The following GRM7 variants were observed in gnomAD, a reference collection of about 807,000 sequenced individuals.
GRM7 encodes the protein metabotropic glutamate receptor 7.
In GRM7, 35 loss-of-function variants were observed where a neutral mutation model predicts 84.5. The observed-to-expected ratio is 0.41, with a 90% CI of 0.32 to 0.55. The LOEUF is 0.55. GRM7 is among the 20% of genes least tolerant of loss of function. The pLI, the probability that GRM7 is intolerant of heterozygous loss-of-function variation, is 0.19. For missense variants in GRM7, 1,003 were observed against 1,194.6 expected, an observed-to-expected ratio of 0.84 and a Z score of 2.36; for synonymous variants, 487 against 455.1, an observed-to-expected ratio of 1.07 and a Z score of -0.89.
chr3:7,623,781 C>A (rs978581053), intron 8 of GRM7, among the ~76,000 whole-genome samples: 3 of 152,120 alleles, frequency 2.0e-5, no homozygotes, highest in African/African-American at 4.8e-5. Flanking sequence ...AGTACAGTAT[C>A]TATGATAAAA....
chr3:7,083,896 C>G (rs531355830), intron 1 of GRM7, among the ~76,000 whole-genome samples: 1 of 152,080 alleles, frequency 6.6e-6, no homozygotes, highest in Non-Finnish European at 1.5e-5. Flanking sequence ...GGTAGAAACA[C>G]CAGCAACCTG....
chr3:6,981,357 G>C (rs1694193595), intron 1 of GRM7, among the ~76,000 whole-genome samples: 2 of 152,120 alleles, frequency 1.3e-5, no homozygotes, highest in Admixed American at 6.5e-5. Flanking sequence ...TTTTTTGCCA[G>C]CAGTTGAAGG....
At chr3:7,085,034 G>A (rs1204458375) in intron 1 of GRM7, among the ~76,000 whole-genome samples, 1 of 152,112 alleles carries the variant, frequency 6.6e-6, no homozygotes, top group Non-Finnish European at 1.5e-5. Context: ...CATATCCTCA[G>A]GTAGTATTCC....
chr3:7,388,275 C>T (rs967806388), intron 4 of GRM7, among the ~76,000 whole-genome samples: 1 of 152,048 alleles, frequency 6.6e-6, no homozygotes, highest in African/African-American at 2.4e-5. Context: ...ACTTGGATGC[C>T]TTTTGTTTCT....
intron 3 of GRM7, among the ~76,000 whole-genome samples, chr3:7,306,013 C>T (rs1700182897): frequency 6.6e-6 from 1 of 152,154 alleles, no homozygotes; most frequent in African/African-American, 2.4e-5. Context: ...TCATGTTTCA[C>T]ATGGAGTTCT....
chr3:7,311,078 A>G (rs1228389046), intron 4 of GRM7, among the ~76,000 whole-genome samples: 2 of 152,224 alleles, frequency 1.3e-5, no homozygotes, highest in African/African-American at 4.8e-5. Context: ...AAGTAGGATC[A>G]AAATGATACA....
chr3:7,615,569 TG>T (rs374126626), intron 8 of GRM7, among the ~76,000 whole-genome samples: 91 of 152,304 alleles, frequency 6.0e-4, no homozygotes, highest in African/African-American at 2.2e-3. Flanking sequence ...ATTTTTCCTA[TG>T]GAAAACTGAC....
chr3:7,411,992 A>C, intron 4 of GRM7, among the ~76,000 whole-genome samples: 6 of 140,060 alleles, frequency 4.3e-5, no homozygotes, highest in South Asian at 4.7e-4. Context: ...CCTTCCCAAC[A>C]TCACCTCTTT....
chr3:7,625,698 GA>G (rs1697576161), intron 8 of GRM7, among the ~76,000 whole-genome samples: 1 of 152,110 alleles, frequency 6.6e-6, no homozygotes, highest in African/African-American at 2.4e-5. Flanking sequence ...AAGAATCAGG[GA>G]CAGAAGAATA....
intron 2 of GRM7, among the ~76,000 whole-genome samples, chr3:7,191,689 C>T (rs770872237): frequency 1.3e-4 from 20 of 150,064 alleles, no homozygotes; most frequent in African/African-American, 3.4e-4. Flanking sequence ...ATTCTTGAAA[C>T]GACAAGGCAT....
intron 8 of GRM7, among the ~76,000 whole-genome samples, chr3:7,643,064 C>CA (rs1388270385): frequency 6.6e-6 from 1 of 152,080 alleles, no homozygotes; most frequent in Non-Finnish European, 1.5e-5. Context: ...TCACAGACTG[C>CA]AAGGATTTTA....
intron 2 of GRM7, among the ~76,000 whole-genome samples, chr3:7,150,015 G>A (rs568000507): frequency 6.6e-6 from 1 of 152,048 alleles, no homozygotes; most frequent in African/African-American, 2.4e-5. Flanking sequence ...AGAAAAGGAA[G>A]TGAGCTATTT....
intron 1 of GRM7, among the ~76,000 whole-genome samples, chr3:6,873,566 A>C (rs1430297085): frequency 6.6e-6 from 1 of 152,180 alleles, no homozygotes; most frequent in Non-Finnish European, 1.5e-5. Context: ...GCCTGTTTTC[A>C]GTGTTAAATG....
chr3:6,918,929 A>C (rs906092363), intron 1 of GRM7, among the ~76,000 whole-genome samples: 7 of 152,216 alleles, frequency 4.6e-5, no homozygotes, highest in African/African-American at 1.7e-4. Flanking sequence ...AAATGAGGGA[A>C]CATATGGGAT....
At chr3:7,215,470 CT>C in intron 2 of GRM7, among the ~76,000 whole-genome samples, 1 of 152,076 alleles carries the variant, frequency 6.6e-6, no homozygotes, top group African/African-American at 2.4e-5. Context: ...CTAGACCACC[CT>C]GGCTAACACA....
At chr3:7,068,373 CTG>C (rs1356865848) in intron 1 of GRM7, among the ~76,000 whole-genome samples, 1 of 151,980 alleles carries the variant, frequency 6.6e-6, no homozygotes, top group East Asian at 2.0e-4. Flanking sequence ...GATTTAAACA[CTG>C]TTTTGCTCAG....
intron 2 of GRM7, among the ~76,000 whole-genome samples, chr3:7,274,937 C>A (rs1300212050): frequency 6.6e-6 from 1 of 152,010 alleles, no homozygotes; most frequent in Non-Finnish European, 1.5e-5. Flanking sequence ...TATATCATAT[C>A]TACTGTAGTT....
chr3:7,555,169 C>T (rs1371431252), intron 7 of GRM7, among the ~76,000 whole-genome samples: 1 of 152,146 alleles, frequency 6.6e-6, no homozygotes, highest in Non-Finnish European at 1.5e-5. Flanking sequence ...ACTGGTACAA[C>T]CCTTAAGCAA....
chr3:6,915,829 C>G (rs1366155710), intron 1 of GRM7, among the ~76,000 whole-genome samples: 1 of 152,000 alleles, frequency 6.6e-6, no homozygotes, highest in Non-Finnish European at 1.5e-5. Context: ...TTTTTTTAAC[C>G]AAAGACTGAG....
Sources: allele counts gnomAD v4.1 joint callset (sites outside exome capture counted in the v4.1 genomes callset), GRCh38; gene constraint gnomAD v4.1.1; transcripts MANE v1.5; gene names NCBI Gene and HGNC (gene_info 2026-07-23, HGNC 2026-07-21).